The following IGDCC3 variants were observed in gnomAD, a reference collection of about 807,000 sequenced individuals.
IGDCC3 encodes immunoglobulin superfamily DCC subclass member 3.
A neutral mutation model predicts 72.0 loss-of-function variants in IGDCC3; 47 were observed. The ratio of observed to expected loss-of-function variants is 0.65; its 90% CI spans 0.52 to 0.83. IGDCC3 has a LOEUF of 0.83. Among genes scored for constraint, IGDCC3 ranks in the 40% least tolerant of loss-of-function variants. The probability of loss-of-function intolerance (pLI) is 0.00; values close to 1 mark genes in which losing one functional copy is unlikely to be tolerated. For synonymous variants in IGDCC3, 477 were observed against 472.8 expected, an observed-to-expected ratio of 1.01 and a Z score of -0.11; for missense variants, 1,038 against 1,091.3, an observed-to-expected ratio of 0.95 and a Z score of 0.69.
chr15:65,377,478 G>T lies in IGDCC3; in HGVS notation c.103+208C>A, dbSNP rs1022530017. On this transcript the variant is annotated intron_variant, in intron 1 of 13. Coordinates refer to ENST00000327987, the MANE Select transcript of IGDCC3 (RefSeq NM_004884.4). The surrounding 1 kb of genome is among the most constrained non-coding windows in gnomAD (Gnocchi z 4.9). ...GTCCTGCCCCAGTCTTCCTCCGGGG[G>T]GTTCCGTCCTCAACACGCCCCTAGG... Among the ~76,000 whole-genome samples the T allele has an allele frequency of 6.6e-6, 1 of 152,152 alleles. No homozygotes were observed. The highest frequency in any genetic ancestry group is 1.5e-5 in the Non-Finnish European group (1 of 68,026).
intron 9 of IGDCC3, 36 bp downstream of exon 9, chr15:65,331,014 G>C (rs368132098): frequency 1.2e-6 from 2 of 1,606,838 alleles, no homozygotes; most frequent in African/African-American, 2.7e-5. Flanking sequence ...CCCTGAGTGA[G>C]TGCCTGTGGT....
chr15:65,376,547 T>C (rs2091359808), intron 1 of IGDCC3, among the ~76,000 whole-genome samples: 1 of 152,136 alleles, frequency 6.6e-6, no homozygotes, highest in African/African-American at 2.4e-5. Flanking sequence ...GATGGGGAAA[T>C]GGGTGGGGAG....
chr15:65,333,329 C>T lies in IGDCC3; in HGVS notation c.910G>A (p.Val304Ile), dbSNP rs368951025. The change falls in exon 6 of 14, where the codon GTC becomes ATC. Residue 304 changes from valine to isoleucine, a missense_variant. Val to Ile is a conservative substitution (Grantham distance 29). Transcript: ENST00000327987. ...ISDVTVQHSG[V>I]YVCAANRPGT... ...GGTCTGTTGGCTGCACAGACGTAGA[C>T]GCCAGAGTGCTGGACCGTCACGTCT... 34 of 1,613,208 alleles carry T rather than the reference C, an allele frequency of 2.1e-5. No homozygotes were observed. The highest frequency in any genetic ancestry group is 1.6e-4 in the South Asian group (15 of 90,996).
At chr15:65,352,129 A>C (rs1271599675) in intron 2 of IGDCC3, among the ~76,000 whole-genome samples, 1 of 152,210 alleles carries the variant, frequency 6.6e-6, no homozygotes, top group African/African-American at 2.4e-5. Context: ...AGAAAACTGA[A>C]GTAATCTTTT....
Position 65,329,788 on chromosome 15 carries a change from G to T in IGDCC3, c.1935C>A (p.Ile645=). The change falls in exon 12 of 14, where the codon ATC becomes ATA. Residue 645 remains isoleucine (I), a synonymous_variant. Transcript: ENST00000327987. This position sits in a 1 kb window ranked among gnomAD's most constrained non-coding sequence, Gnocchi z 4.1. ...AGATGATGCAAGTGACCCCGATGTG[G>T]ATGCCGATGACGATGCCTGTGGTGG... ...QTSTTGIVIG[I]HIGVTCIIFC... is the part of the protein sequence containing the mutation. The T allele has an allele frequency of 6.2e-7, 1 of 1,614,152 alleles. No individual in the cohort carries two copies. The highest frequency in any genetic ancestry group is 2.2e-5 in the East Asian group (1 of 44,880).
chr15:65,332,678 C>T (rs758967630), intron 6 of IGDCC3, among the ~76,000 whole-genome samples: 6 of 152,340 alleles, frequency 3.9e-5, no homozygotes, highest in Middle Eastern at 3.4e-3. Context: ...CCCCGGTCTC[C>T]GGTAGGGAAC....
rs2091364019 is a variant in IGDCC3, at chr15:65,377,188, G to GC, written c.103+497dup. Among the ~76,000 whole-genome samples the GC allele has an allele frequency of 1.3e-5, 2 of 152,028 alleles. No individual in the cohort carries two copies. The highest frequency in any genetic ancestry group is 4.8e-5 in the African/African-American group (2 of 41,380). ...TCCTGTCTCTCCCGCGCACTCCTCA[G>GC]CCCAGTACCAGCTCCAAATGCAGGT... On this transcript the variant is annotated intron_variant, in intron 1 of 13. Transcript: ENST00000327987. This position sits in a 1 kb window ranked among gnomAD's most constrained non-coding sequence, Gnocchi z 4.9.
chr15:65,356,128 T>A (rs189580918), intron 2 of IGDCC3: 1 of 203,034 alleles, frequency 4.9e-6, no homozygotes, highest in African/African-American at 2.4e-5. Flanking sequence ...CGGCTCTGCA[T>A]TCAAAGACCT....
At chr15:65,344,560 T>C (rs1300271967) in intron 2 of IGDCC3, among the ~76,000 whole-genome samples, 7 of 152,180 alleles carry the variant, frequency 4.6e-5, no homozygotes, top group Admixed American at 1.3e-4. Flanking sequence ...TGGATTCCGC[T>C]TGGGAATGTC....
At chr15:65,366,593 AAGAG>A (rs1403291591) in intron 2 of IGDCC3, among the ~76,000 whole-genome samples, 1 of 152,092 alleles carries the variant, frequency 6.6e-6, no homozygotes, top group Admixed American at 6.5e-5. Context: ...AGACCCAGAG[AAGAG>A]AGAGAGAAGG....
At chr15:65,371,721 G>A (rs2091326684) in intron 2 of IGDCC3, among the ~76,000 whole-genome samples, 1 of 152,228 alleles carries the variant, frequency 6.6e-6, no homozygotes, top group Non-Finnish European at 1.5e-5. Flanking sequence ...GGCAGGGATT[G>A]AGGGTGGCAG....
Position 65,329,272 on chromosome 15 carries a change from C to T in IGDCC3, c.2205+118G>A, listed in dbSNP as rs948325742. 1.7e-5 allele frequency: 25 copies of T among 1,485,090 alleles called. No homozygotes were observed. The African/African-American group carries it at 3.5e-4, about 21-fold the overall frequency. 92.0% of individuals were successfully genotyped at this position (1,485,090 alleles called of 1,614,324 possible). The stretch of plus-strand genomic sequence containing the variant: ...CTGACTCAGGGACACAAAGAGAAGA[C>T]CTGCAGTTTGACTAAGGCCAATGAT... On this transcript the variant is annotated intron_variant, in intron 13 of 13. Transcript: ENST00000327987. This position sits in a 1 kb window ranked among gnomAD's most constrained non-coding sequence, Gnocchi z 4.1.
Position 65,329,321 on chromosome 15 carries a change from G to A in IGDCC3, c.2205+69C>T, listed in dbSNP as rs541216285. 1.9e-5 allele frequency: 29 copies of A among 1,500,420 alleles called. No homozygotes were observed. The highest frequency in any genetic ancestry group is 9.8e-5 in the African/African-American group (7 of 71,330). 92.9% of individuals were successfully genotyped at this position (1,500,420 alleles called of 1,614,324 possible). ...ATCGAGGCCCGTGGCCAAGGTGAAG[G>A]GGGGCAGGATTGGAAGGTGGCAGTG... On this transcript the variant is annotated intron_variant, in intron 13 of 13. Transcript: ENST00000327987. This position sits in a 1 kb window ranked among gnomAD's most constrained non-coding sequence, Gnocchi z 4.1.
chr15:65,343,631 G>A (rs143777999), intron 2 of IGDCC3, among the ~76,000 whole-genome samples: 1 of 152,298 alleles, frequency 6.6e-6, no homozygotes, highest in African/African-American at 2.4e-5. Flanking sequence ...GCTCTCCGAG[G>A]TATAGTTAAA....
chr15:65,339,390 T>C lies in IGDCC3; in HGVS notation c.410-3434A>G, dbSNP rs1374375126. On this transcript the variant is annotated intron_variant, in intron 2 of 13. Coordinates refer to ENST00000327987, the MANE Select transcript of IGDCC3 (RefSeq NM_004884.4). This position sits in a 1 kb window ranked among gnomAD's most constrained non-coding sequence, Gnocchi z 4.1. ...CTACTGTGCCTGGCCAATTTTTGTATTTCTTATAGAGACAGGGTCTCCCTA... is the reference window on the plus strand; with the variant it reads ...CTACTGTGCCTGGCCAATTTTTGTACTTCTTATAGAGACAGGGTCTCCCTA... 1.3e-5 allele frequency among the ~76,000 whole-genome samples: 2 copies of C among 151,556 alleles called. No individual in the cohort carries two copies. Among genetic ancestry groups the C allele is most frequent in the Non-Finnish European group, 2.9e-5 (2 of 68,030 alleles).
At chr15:65,375,949 T>A (rs928766750) in intron 1 of IGDCC3, among the ~76,000 whole-genome samples, 1 of 152,188 alleles carries the variant, frequency 6.6e-6, no homozygotes, top group Non-Finnish European at 1.5e-5. Flanking sequence ...ATGAAAAATT[T>A]AAAGTTCTAA....
rs1171033578 is a variant in IGDCC3, at chr15:65,328,096, A to C, written c.*813T>G. On this transcript the variant is annotated 3_prime_UTR_variant, in exon 14 of 14. Coordinates refer to ENST00000327987, the MANE Select transcript of IGDCC3 (RefSeq NM_004884.4). ...TCCATTTCTATTTCTGTAGGCCACA[A>C]GAGTTCCCCTTGGTGGCCCAACCTC... 2 of 152,578 alleles carry C rather than the reference A, an allele frequency of 1.3e-5. No homozygotes were observed. Among genetic ancestry groups the C allele is most frequent in the East Asian group, 3.9e-4 (2 of 5,194 alleles). 9.5% of individuals were successfully genotyped at this position (152,578 alleles called of 1,614,324 possible). A position where few individuals can be genotyped will look rare whatever the true frequency, so the allele number is the denominator to read the frequency against.
chr15:65,333,245 G>A lies in IGDCC3; in HGVS notation c.982+12C>T. The A allele has an allele frequency of 6.3e-7, 1 of 1,592,116 alleles. No homozygotes were observed. The highest frequency in any genetic ancestry group is 8.6e-7 in the Non-Finnish European group (1 of 1,169,472). On this transcript the variant is annotated intron_variant, in intron 6 of 13. Transcript: ENST00000327987. ...ATCCCTGCCCTCCTCCTCAGGGTTG[G>A]CTGATCCATACCTTGCACCACCAGC...
rs1206804455 is a variant in IGDCC3, at chr15:65,334,952, G to A, written c.686-87C>T. 9.1e-6 allele frequency: 13 copies of A among 1,434,886 alleles called. No individual in the cohort carries two copies. In the South Asian group the frequency reaches 1.6e-4, roughly 17 times the overall value. 88.9% of individuals were successfully genotyped at this position (1,434,886 alleles called of 1,614,324 possible). On this transcript the variant is annotated intron_variant, in intron 4 of 13. Transcript: ENST00000327987. ...CCCACAGCCCAGGACACAGCGGGTG[G>A]GAAACAAACACCAGCCCAGAAACCA... is the stretch of plus-strand genomic sequence containing the variant.
Sources: allele counts gnomAD v4.1 joint callset (sites outside exome capture counted in the v4.1 genomes callset), GRCh38; gene constraint gnomAD v4.1.1; non-coding constraint Gnocchi (gnomAD v3.1); transcripts MANE v1.5; gene names NCBI Gene and HGNC (gene_info 2026-07-23, HGNC 2026-07-21).